The following CA10 variants were observed in gnomAD, a reference collection of about 807,000 sequenced individuals.
CA10 encodes the protein carbonic anhydrase 10 (inactive).
A neutral mutation model predicts 44.2 loss-of-function variants in CA10; 14 were observed. That is an observed-to-expected ratio of 0.32 (90% CI 0.21 to 0.50). The LOEUF is 0.50. Ranked by LOEUF, CA10 falls within the 20% of genes least tolerant of loss-of-function variation. The pLI is 0.99. For missense variants in CA10, 350 were observed against 409.7 expected (o/e 0.85, Z 1.26); for synonymous variants, 159 against 141.6 (o/e 1.12, Z -0.87).
intron 2 of CA10, among the ~76,000 whole-genome samples, chr17:52,068,621 A>T (rs1987598022): frequency 6.6e-6 from 1 of 152,216 alleles, no homozygotes; most frequent in African/African-American, 2.4e-5. Flanking sequence ...CAAGTGACAG[A>T]AAGTCTGACT....
intron 5 of CA10, among the ~76,000 whole-genome samples, chr17:51,651,740 A>AGTC (rs1913574720): frequency 6.6e-6 from 1 of 152,194 alleles, no homozygotes; most frequent in South Asian, 2.1e-4. Flanking sequence ...CCAGAATGAC[A>AGTC]GTCACTGACT....
In CA10 at chr17:51,635,943, G is replaced by A; in HGVS notation, c.701C>T (p.Thr234Ile). 6.2e-7 allele frequency: 1 copy of A among 1,608,890 alleles called. No homozygotes were observed. The highest frequency in any genetic ancestry group is 8.5e-7 in the Non-Finnish European group (1 of 1,176,158). The change falls in exon 7 of 9, where the codon ACT becomes ATT. Residue 234 changes from threonine (T) to isoleucine (I), a missense_variant. By Grantham distance (89) the Thr-to-Ile change is moderately conservative (BLOSUM62 -1). Coordinates refer to ENST00000451037, the MANE Select transcript of CA10 (RefSeq NM_020178.5). ...ELYPETSSFI[T>I]YDGSMTIPPC... The stretch of plus-strand genomic sequence containing the variant: ...TGGGATAGTCATCGACCCATCGTAA[G>A]TGATGAAACTAGAGGTCTCTGGATA...
chr17:51,911,594 A>C (rs1981792643), intron 3 of CA10, among the ~76,000 whole-genome samples: 1 of 152,190 alleles, frequency 6.6e-6, no homozygotes, highest in Non-Finnish European at 1.5e-5. Context: ...AGGACAATCG[A>C]GAAGTGCAAA....
At chr17:51,885,665 G>T (rs1980565614) in intron 3 of CA10, among the ~76,000 whole-genome samples, 1 of 152,198 alleles carries the variant, frequency 6.6e-6, no homozygotes, top group Non-Finnish European at 1.5e-5. Context: ...GCACATGAGT[G>T]CATTGGTGTA....
chr17:51,971,680 T>C (rs900680906), intron 2 of CA10, among the ~76,000 whole-genome samples: 2 of 152,042 alleles, frequency 1.3e-5, no homozygotes, highest in Non-Finnish European at 2.9e-5. Flanking sequence ...TGTTTAAAAA[T>C]ATTAATGCAT....
chr17:51,988,043 T>C lies in CA10; in HGVS notation c.137-56911A>G, dbSNP rs191434295. The stretch of plus-strand genomic sequence containing the variant: ...TAATGTATCTTGTGACTATAATTTA[T>C]GGGTGGGTGAAATGAATAATAGTAA... On this transcript the variant is annotated intron_variant, in intron 2 of 8. Transcript: ENST00000451037. Among the ~76,000 whole-genome samples the C allele has an allele frequency of 5.3e-5, 8 of 152,148 alleles. No homozygotes were observed. The East Asian group carries it at 1.4e-3, about 26-fold the overall frequency.
At chr17:52,036,510 T>A (rs1316587636) in intron 2 of CA10, among the ~76,000 whole-genome samples, 1 of 151,834 alleles carries the variant, frequency 6.6e-6, no homozygotes, top group East Asian at 1.9e-4. Flanking sequence ...CCACCTGGAG[T>A]ATCTTGAAGA....
chr17:51,780,235 A>G (rs912829561), intron 3 of CA10, among the ~76,000 whole-genome samples: 2 of 152,202 alleles, frequency 1.3e-5, no homozygotes, highest in African/African-American at 2.4e-5. Context: ...CATAGACATC[A>G]GAGTCTCATA....
chr17:52,062,218 C>T (rs760402695), intron 2 of CA10, among the ~76,000 whole-genome samples: 1 of 151,924 alleles, frequency 6.6e-6, no homozygotes, highest in South Asian at 2.1e-4. Flanking sequence ...CAGGCACCCA[C>T]CACCATCCCT....
chr17:52,013,110 C>T (rs1985853532), intron 2 of CA10, among the ~76,000 whole-genome samples: 1 of 151,918 alleles, frequency 6.6e-6, no homozygotes, highest in African/African-American at 2.4e-5. Context: ...AACAAAATTG[C>T]TCTATAGAAA....
intron 3 of CA10, among the ~76,000 whole-genome samples, chr17:51,825,144 T>C (rs1255763083): frequency 6.6e-6 from 1 of 152,216 alleles, no homozygotes; most frequent in Non-Finnish European, 1.5e-5. Flanking sequence ...AAACAATGCT[T>C]TCTCAGCTCA....
intron 3 of CA10, among the ~76,000 whole-genome samples, chr17:51,875,836 T>G (rs1228321158): frequency 6.6e-6 from 1 of 152,164 alleles, no homozygotes; most frequent in Non-Finnish European, 1.5e-5. Flanking sequence ...CCTCTGACAC[T>G]TCTTACTCCT....
At chr17:52,003,678 T>C (rs1339944155) in intron 2 of CA10, among the ~76,000 whole-genome samples, 3 of 151,882 alleles carry the variant, frequency 2.0e-5, no homozygotes, top group Non-Finnish European at 4.4e-5. Context: ...GGATTTGATA[T>C]GGAACTTGCA....
chr17:51,916,489 C>G (rs1473919007), intron 3 of CA10, among the ~76,000 whole-genome samples: 1 of 152,050 alleles, frequency 6.6e-6, no homozygotes, highest in Admixed American at 6.5e-5. Flanking sequence ...CCATGGTATT[C>G]TTGTGAGAGT....
chr17:52,001,941 C>T (rs1418440237), intron 2 of CA10, among the ~76,000 whole-genome samples: 1 of 151,830 alleles, frequency 6.6e-6, no homozygotes, highest in African/African-American at 2.4e-5. Context: ...CAACAGTTAC[C>T]CTGAGGTTCA....
intron 3 of CA10, among the ~76,000 whole-genome samples, chr17:51,836,377 A>G (rs1598072162): frequency 6.6e-6 from 1 of 152,226 alleles, no homozygotes; most frequent in East Asian, 1.9e-4. Context: ...CTCTATGTAA[A>G]AGCACTTTGA....
chr17:51,815,269 T>C (rs774944349), intron 3 of CA10, among the ~76,000 whole-genome samples: 27 of 152,194 alleles, frequency 1.8e-4, no homozygotes, highest in Non-Finnish European at 2.6e-4. Context: ...CCTGCACAAT[T>C]ATCAAAAGTG....
intron 2 of CA10, among the ~76,000 whole-genome samples, chr17:52,009,572 A>G (rs1417350640): frequency 6.6e-6 from 1 of 152,014 alleles, no homozygotes; most frequent in African/African-American, 2.4e-5. Flanking sequence ...GCAAGGCTAC[A>G]TAAAATTACC....
chr17:51,876,134 G>GAAGATAAA (rs1216058256), intron 3 of CA10, among the ~76,000 whole-genome samples: 1 of 142,406 alleles, frequency 7.0e-6, no homozygotes, highest in African/African-American at 2.6e-5. Context: ...GGTTTTATGT[G>GAAGATAAA]AAGATAAAAT....
Sources: gnomAD v4.1 joint callset for allele counts (sites outside exome capture counted in the v4.1 genomes callset) on GRCh38, gnomAD v4.1.1 for gene constraint, MANE v1.5 for transcripts, NCBI Gene and HGNC (gene_info 2026-07-23, HGNC 2026-07-21) for gene names.